The following RASAL2 variants were observed in gnomAD, a reference collection of about 807,000 sequenced individuals.
The protein encoded by RASAL2 is ras GTPase-activating protein nGAP.
RASAL2 carries 58 observed loss-of-function variants against 128.9 expected under a neutral mutation model. The observed-to-expected ratio is 0.45, with a 90% confidence interval of 0.36 to 0.56. The LOEUF (loss-of-function observed/expected upper bound fraction) is 0.56, where lower values mean the gene tolerates loss of function less well. RASAL2 is among the 20% of genes least tolerant of loss of function. RASAL2 has a pLI of 0.00. For synonymous variants in RASAL2, 561 were observed against 580.8 expected (o/e 0.97, Z 0.49); for missense variants, 1,360 against 1,601.6 (o/e 0.85, Z 2.57).
At chr1:178,121,998 G>T (rs1659735513) in intron 1 of RASAL2, among the ~76,000 whole-genome samples, 1 of 151,722 alleles carries the variant, frequency 6.6e-6, no homozygotes, top group African/African-American at 2.4e-5. Context: ...GAGGCTTTTG[G>T]AGGCTCTTTA....
At chr1:178,296,264 C>G (rs1571803238) in intron 2 of RASAL2, among the ~76,000 whole-genome samples, 1 of 152,028 alleles carries the variant, frequency 6.6e-6, no homozygotes, top group Admixed American at 6.6e-5. Context: ...AGCCAGAGCT[C>G]TAGTTTGGCT....
At chr1:178,309,480 A>C (rs1235700311) in intron 3 of RASAL2, among the ~76,000 whole-genome samples, 1 of 152,174 alleles carries the variant, frequency 6.6e-6, no homozygotes, top group East Asian at 1.9e-4. Context: ...ATCTTCCTCA[A>C]GGTTTTGGTT....
intron 3 of RASAL2, chr1:178,341,403 G>A (rs1157581389): frequency 7.1e-7 from 1 of 1,401,440 alleles, no homozygotes; most frequent in Non-Finnish European, 9.3e-7. Flanking sequence ...TGGGGGCGGG[G>A]TTGGGGCGAG....
intron 1 of RASAL2, among the ~76,000 whole-genome samples, chr1:178,135,244 C>T (rs1203204168): frequency 6.6e-6 from 1 of 152,066 alleles, no homozygotes; most frequent in East Asian, 1.9e-4. Flanking sequence ...TAATGCAGGA[C>T]CCTCAGTTCT....
In RASAL2 at chr1:178,465,532, T is replaced by A. The variant is rs373224289; in HGVS notation, c.3388-388T>A. 3.3e-5 allele frequency among the ~76,000 whole-genome samples: 5 copies of A among 152,302 alleles called. No homozygotes were observed. The South Asian group carries it at 1.0e-3, about 32-fold the overall frequency. Reference sequence around the variant, plus strand: ...TATTTTAAGTGATTTGTCAGACTTTTAAGTACTTCATCTGGTTTTTTTTTC... The same window carrying A: ...TATTTTAAGTGATTTGTCAGACTTTAAAGTACTTCATCTGGTTTTTTTTTC... On this transcript the variant is annotated intron_variant, in intron 15 of 17. Coordinates refer to ENST00000367649, the MANE Select transcript of RASAL2 (RefSeq NM_170692.4).
intron 1 of RASAL2, among the ~76,000 whole-genome samples, chr1:178,214,499 A>G (rs904295089): frequency 3.9e-5 from 6 of 152,152 alleles, no homozygotes; most frequent in Non-Finnish European, 5.9e-5. Flanking sequence ...TATGTTTCAC[A>G]TAGTAGCTGC....
At position 178,408,234 on chromosome 1, in the gene RASAL2, T is replaced by G. The variant is rs530243283; in HGVS notation, c.565-12277T>G. 1.4e-3 allele frequency among the ~76,000 whole-genome samples: 208 copies of G among 152,328 alleles called. 1 individual carries two copies. The highest frequency in any genetic ancestry group is 1.7e-3 in the East Asian group (9 of 5,190). ...TTTTGAGTGTTTGATTAGTATGCTT[T>G]CAGATTAGGTTGGTGTCAGAAGGAT... On this transcript the variant is annotated intron_variant, in intron 4 of 17. Transcript: ENST00000367649.
intron 1 of RASAL2, among the ~76,000 whole-genome samples, chr1:178,161,350 C>T (rs1484385756): frequency 6.6e-6 from 1 of 152,126 alleles, no homozygotes; most frequent in Admixed American, 6.6e-5. Flanking sequence ...CTATTCTGTA[C>T]TTTTCACATA....
chr1:178,356,030 A>T (rs1390106151), intron 3 of RASAL2, among the ~76,000 whole-genome samples: 3 of 151,986 alleles, frequency 2.0e-5, no homozygotes, highest in African/African-American at 7.2e-5. Flanking sequence ...ATTAGCCGGG[A>T]TGGTGGCGGG....
chr1:178,334,096 C>A (rs530323582), intron 3 of RASAL2, among the ~76,000 whole-genome samples: 1 of 152,210 alleles, frequency 6.6e-6, no homozygotes, highest in Admixed American at 6.5e-5. Context: ...CTTTTTATAA[C>A]ATTGCTTTTG....
At chr1:178,276,242 T>A (rs537123328) in intron 1 of RASAL2, among the ~76,000 whole-genome samples, 1 of 152,308 alleles carries the variant, frequency 6.6e-6, no homozygotes, top group South Asian at 2.1e-4. Flanking sequence ...AAGAAAATTT[T>A]TGTTTGTTGT....
chr1:178,239,712 A>G (rs1664407588), intron 1 of RASAL2, among the ~76,000 whole-genome samples: 3 of 152,052 alleles, frequency 2.0e-5, no homozygotes, highest in South Asian at 4.1e-4. Context: ...TCACAGTAGT[A>G]CATGCCAGAA....
At chr1:178,408,261 A>C (rs1674115307) in intron 4 of RASAL2, among the ~76,000 whole-genome samples, 1 of 152,198 alleles carries the variant, frequency 6.6e-6, no homozygotes, top group African/African-American at 2.4e-5. Flanking sequence ...CAGAAGGATG[A>C]AATCAGTTTA....
At chr1:178,098,891 C>G (rs1011756443) in intron 1 of RASAL2, among the ~76,000 whole-genome samples, 1 of 152,142 alleles carries the variant, frequency 6.6e-6, no homozygotes, top group African/African-American at 2.4e-5. Flanking sequence ...GGGAATTAAT[C>G]ATACTTCATT....
At chr1:178,341,213 C>A (rs910337615) in intron 3 of RASAL2, among the ~76,000 whole-genome samples, 1 of 152,114 alleles carries the variant, frequency 6.6e-6, no homozygotes, top group Non-Finnish European at 1.5e-5. Flanking sequence ...TCTTAAAGTG[C>A]ACAGATTCAC....
chr1:178,239,494 A>G (rs2102046403), intron 1 of RASAL2, among the ~76,000 whole-genome samples: 1 of 152,230 alleles, frequency 6.6e-6, no homozygotes. Context: ...CACTCACAAT[A>G]TGTGTAAAAT....
chr1:178,451,779 A>C (rs1030094411), intron 10 of RASAL2, 64 bp downstream of exon 10: 181 of 1,514,974 alleles, frequency 1.2e-4, no homozygotes, highest in Middle Eastern at 1.8e-4. Context: ...TGGAACTTAC[A>C]TTTTTTCATG....
intron 1 of RASAL2, among the ~76,000 whole-genome samples, chr1:178,156,474 T>G (rs191618813): frequency 1.1e-3 from 161 of 152,290 alleles, no homozygotes; most frequent in Non-Finnish European, 1.7e-3. Flanking sequence ...TGACACTGGT[T>G]GTTATAATAG....
chr1:178,398,683 C>T (rs2102644761), intron 4 of RASAL2, among the ~76,000 whole-genome samples: 1 of 152,276 alleles, frequency 6.6e-6, no homozygotes, highest in Non-Finnish European at 1.5e-5. Context: ...ACTGTATTCA[C>T]TTTATGTTTT....
Sources: gnomAD v4.1 joint callset for allele counts (sites outside exome capture counted in the v4.1 genomes callset) on GRCh38, gnomAD v4.1.1 for gene constraint, MANE v1.5 for transcripts, NCBI Gene and HGNC (gene_info 2026-07-23, HGNC 2026-07-21) for gene names.